Variants in YBX3 observed in about 807,000 individuals in gnomAD.
The protein encoded by YBX3 is Y-box binding protein 3.
A neutral mutation model predicts 42.4 loss-of-function variants in YBX3; 29 were observed. The ratio of observed to expected loss-of-function variants is 0.68; its 90% CI spans 0.51 to 0.93. The LOEUF (loss-of-function observed/expected upper bound fraction) is 0.93, where lower values mean the gene tolerates loss of function less well. Ranked by LOEUF, YBX3 falls within the 40% of genes least tolerant of loss-of-function variation. The probability of loss-of-function intolerance (pLI) is 0.00; values close to 1 mark genes in which losing one functional copy is unlikely to be tolerated. For synonymous variants in YBX3, 195 were observed against 189.8 expected (o/e 1.03, Z -0.22); for missense variants, 517 against 527.5 (o/e 0.98, Z 0.19).
intron 8 of YBX3, 39 bp from the exon 9 acceptor site, chr12:10,701,392 G>T (rs1222471790): frequency 1.3e-6 from 1 of 779,516 alleles, no homozygotes. Flanking sequence ...GATAAAGTCA[G>T]ATGACAGTGG....
chr12:10,714,622 A>AAT (rs557708688), intron 4 of YBX3, among the ~76,000 whole-genome samples: 315 of 152,320 alleles, frequency 2.1e-3, no homozygotes, highest in Non-Finnish European at 3.2e-3. Flanking sequence ...CAAAATGATT[A>AAT]ATATTCAATT....
rs1452913985 is a variant in YBX3, at chr12:10,722,835, C to A, written c.262+15G>T. The A allele has an allele frequency of 3.9e-5, 57 of 1,469,832 alleles. No individual in the cohort carries two copies. The highest frequency in any genetic ancestry group is 5.1e-5 in the Non-Finnish European group (57 of 1,109,518). The allele number at this position is 1,469,832 out of a possible 1,614,324, so 91.0% of individuals were successfully genotyped here. Reference sequence around the variant, plus strand: ...CCCCACTACGGCAGCCCCTGCCCTCCCTGGCCTGACTCACCGAGAACTTTT... The same window carrying A: ...CCCCACTACGGCAGCCCCTGCCCTCACTGGCCTGACTCACCGAGAACTTTT... On this transcript the variant is annotated intron_variant, in intron 1 of 9. Coordinates refer to ENST00000228251, the MANE Select transcript of YBX3 (RefSeq NM_003651.5).
At chr12:10,701,660 T>C (rs1948080599) in intron 8 of YBX3, among the ~76,000 whole-genome samples, 2 of 152,188 alleles carry the variant, frequency 1.3e-5, no homozygotes, top group Non-Finnish European at 2.9e-5. Flanking sequence ...ATACAACTGC[T>C]TTCAACTCAT....
At chr12:10,721,987 A>C (rs556932576) in intron 1 of YBX3, 1 of 152,356 alleles carries the variant, frequency 6.6e-6, no homozygotes, top group East Asian at 1.9e-4. Flanking sequence ...CTGCCCCCCC[A>C]AATCTCAACA....
intron 4 of YBX3, among the ~76,000 whole-genome samples, chr12:10,714,659 T>C (rs978737690): frequency 2.0e-5 from 3 of 152,176 alleles, no homozygotes; most frequent in Admixed American, 6.5e-5. Context: ...GGGATTAAAA[T>C]ATTCTTTACC....
chr12:10,720,172 T>C (rs886234563), intron 1 of YBX3, among the ~76,000 whole-genome samples: 1 of 152,214 alleles, frequency 6.6e-6, no homozygotes, highest in Non-Finnish European at 1.5e-5. Flanking sequence ...ATTATTAACA[T>C]CAATCCATAC....
At chr12:10,715,880 G>T in intron 3 of YBX3, 97 bp from the exon 4 acceptor site, 1 of 997,076 alleles carries the variant, frequency 1.0e-6, no homozygotes. Flanking sequence ...TGAAGAAACT[G>T]TTGACCGATT....
chr12:10,704,573 C>G (rs1282967849), intron 6 of YBX3: 1 of 153,462 alleles, frequency 6.5e-6, no homozygotes, highest in African/African-American at 2.4e-5. Context: ...CCAACAATGT[C>G]TGCAATTCTT....
chr12:10,703,393 A>C (rs1400466677), intron 7 of YBX3: 1 of 169,378 alleles, frequency 5.9e-6, no homozygotes, highest in Non-Finnish European at 1.3e-5. Context: ...AGTCTTCCAA[A>C]GGAATAAAGC....
At chr12:10,709,690 C>T (rs1254231260) in intron 6 of YBX3, among the ~76,000 whole-genome samples, 1 of 152,162 alleles carries the variant, frequency 6.6e-6, no homozygotes, top group Non-Finnish European at 1.5e-5. Context: ...ATAAGGGTTC[C>T]CTATTATAGG....
At chr12:10,702,296 G>A (rs376317183) in intron 7 of YBX3, 162 bp from the exon 8 acceptor site, 61 of 552,664 alleles carry the variant, frequency 1.1e-4, no homozygotes, top group Admixed American at 2.3e-4. Context: ...TGAGGCAGGC[G>A]GATCACTTGA....
intron 8 of YBX3, 127 bp from the exon 9 acceptor site, chr12:10,701,480 T>C (rs1415685731): frequency 1.5e-6 from 1 of 667,960 alleles, no homozygotes; most frequent in African/African-American, 1.8e-5. Context: ...TTAACTACTC[T>C]TAAGTATGAG....
intron 6 of YBX3, among the ~76,000 whole-genome samples, chr12:10,704,830 T>C (rs1948119751): frequency 6.6e-6 from 1 of 152,224 alleles, no homozygotes; most frequent in African/African-American, 2.4e-5. Context: ...TCTCATCAAC[T>C]AGACACAGCA....
chr12:10,713,010 C>T (rs1374444358), intron 5 of YBX3: 10 of 657,222 alleles, frequency 1.5e-5, no homozygotes, highest in Non-Finnish European at 2.4e-5. Context: ...CTAATCACCA[C>T]CGGTTTCCCA....
At chr12:10,707,345 A>G (rs1338022321) in intron 6 of YBX3, among the ~76,000 whole-genome samples, 1 of 152,074 alleles carries the variant, frequency 6.6e-6, no homozygotes, top group Non-Finnish European at 1.5e-5. Context: ...TCCAAACCCA[A>G]TCTTTCTTCA....
Position 10,704,474 on chromosome 12 carries a change from A to C in YBX3, c.781-326T>G, listed in dbSNP as rs111306755. 420 of 183,694 alleles carry C rather than the reference A, an allele frequency of 2.3e-3. 2 individuals carry two copies. The highest frequency in any genetic ancestry group is 9.0e-3 in the African/African-American group (388 of 42,886). 11.4% of individuals were successfully genotyped at this position (183,694 alleles called of 1,614,324 possible). On this transcript the variant is annotated intron_variant, in intron 6 of 9. Coordinates refer to ENST00000228251, the MANE Select transcript of YBX3 (RefSeq NM_003651.5). ...ATACTCTTTTATTTTTCTTTACAAC[A>C]AACTTACTTTAAGCCAGTGGAATAA...
At chr12:10,721,847 C>T (rs1441319808) in intron 1 of YBX3, 2 of 152,294 alleles carry the variant, frequency 1.3e-5, no homozygotes, top group East Asian at 3.9e-4. Context: ...GGACACACAC[C>T]CTTTAGGGAG....
At chr12:10,705,012 A>G (rs11838144) in intron 6 of YBX3, among the ~76,000 whole-genome samples, 19,918 of 152,254 alleles carry the variant, frequency 0.13, 1,592 homozygotes, top group African/African-American at 0.22. Flanking sequence ...TTCACCATTT[A>G]TCCCAATGAT....
intron 5 of YBX3, chr12:10,710,507 A>C: frequency 8.4e-7 from 1 of 1,185,946 alleles, no homozygotes; most frequent in African/African-American, 1.6e-5. Context: ...AAAGCCAAAA[A>C]AGAATACATT....
Sources: gnomAD v4.1 joint callset for allele counts (sites outside exome capture counted in the v4.1 genomes callset) on GRCh38, gnomAD v4.1.1 for gene constraint, MANE v1.5 for transcripts, NCBI Gene and HGNC (gene_info 2026-07-23, HGNC 2026-07-21) for gene names.